Variants in VPS54 observed in about 807,000 individuals in gnomAD.
VPS54 encodes the protein vacuolar protein sorting-associated protein 54.
In VPS54, 45 loss-of-function variants were observed where a neutral mutation model predicts 121.5. The ratio of observed to expected loss-of-function variants is 0.37; its 90% CI spans 0.29 to 0.47. The LOEUF (loss-of-function observed/expected upper bound fraction) is 0.47. Among genes scored for constraint, VPS54 ranks in the 20% least tolerant of loss-of-function variants. The pLI is 0.99. For synonymous variants in VPS54, 371 were observed against 385.8 expected, an observed-to-expected ratio of 0.96 and a Z score of 0.45; for missense variants, 1,090 against 1,131.4, an observed-to-expected ratio of 0.96 and a Z score of 0.52.
At chr2:64,010,265 G>C (rs961665815) in intron 1 of VPS54, among the ~76,000 whole-genome samples, 10 of 152,100 alleles carry the variant, frequency 6.6e-5, no homozygotes, top group Non-Finnish European at 1.2e-4. Flanking sequence ...ACATAATTTT[G>C]ATACAATTTT....
At chr2:63,897,014 T>G (rs1052405293) in intron 22 of VPS54, among the ~76,000 whole-genome samples, 1 of 152,214 alleles carries the variant, frequency 6.6e-6, no homozygotes, top group Non-Finnish European at 1.5e-5. Context: ...ATGCTTTCTA[T>G]GTACTATGCT....
At chr2:64,012,605 T>C (rs1185785401) in intron 1 of VPS54, among the ~76,000 whole-genome samples, 1 of 152,038 alleles carries the variant, frequency 6.6e-6, no homozygotes, top group African/African-American at 2.4e-5. Context: ...AACAGCTGTT[T>C]TTGATCTTAC....
At chr2:64,002,989 A>T (rs983713415) in intron 1 of VPS54, among the ~76,000 whole-genome samples, 4 of 152,236 alleles carry the variant, frequency 2.6e-5, no homozygotes, top group African/African-American at 2.4e-5. Flanking sequence ...GAAAACATGG[A>T]TTTATTCATA....
intron 1 of VPS54, among the ~76,000 whole-genome samples, chr2:64,010,284 T>G (rs767782166): frequency 6.5e-4 from 99 of 152,292 alleles, no homozygotes; most frequent in Non-Finnish European, 1.4e-3. Context: ...TTGGACCTAA[T>G]TTTTTTAAAA....
At chr2:63,922,096 G>A (rs1049802613) in intron 12 of VPS54, among the ~76,000 whole-genome samples, 1 of 152,142 alleles carries the variant, frequency 6.6e-6, no homozygotes, top group African/African-American at 2.4e-5. Flanking sequence ...ATGCTTAAGC[G>A]CTAGGCACTA....
chr2:63,920,055 G>C, intron 14 of VPS54, 60 bp from the exon 15 acceptor site: 1 of 1,411,060 alleles, frequency 7.1e-7, no homozygotes, highest in Non-Finnish European at 9.7e-7. Flanking sequence ...ATCTTCCTTG[G>C]TTTAAAAGAA....
chr2:63,952,666 T>C (rs1370542349), intron 7 of VPS54, among the ~76,000 whole-genome samples: 1 of 152,188 alleles, frequency 6.6e-6, no homozygotes, highest in Non-Finnish European at 1.5e-5. Context: ...GTTTGCATCT[T>C]ACAACAGGAA....
At chr2:63,963,815 G>C (rs936480144) in intron 6 of VPS54, among the ~76,000 whole-genome samples, 5 of 152,120 alleles carry the variant, frequency 3.3e-5, no homozygotes, top group African/African-American at 1.2e-4. Context: ...ATAGTAAATG[G>C]AGAATAGATA....
intron 1 of VPS54, among the ~76,000 whole-genome samples, chr2:64,003,428 C>T (rs974457977): frequency 7.9e-5 from 12 of 152,154 alleles, no homozygotes; most frequent in African/African-American, 2.7e-4. Context: ...CACTTAGTCA[C>T]TCTATGTATT....
At chr2:63,960,004 A>C (rs1675682015) in intron 7 of VPS54, among the ~76,000 whole-genome samples, 1 of 152,082 alleles carries the variant, frequency 6.6e-6, no homozygotes, top group South Asian at 2.1e-4. Flanking sequence ...TGGGCAACAG[A>C]GCTAGACTCC....
intron 7 of VPS54, among the ~76,000 whole-genome samples, chr2:63,949,983 T>C (rs1386028595): frequency 6.6e-6 from 1 of 152,164 alleles, no homozygotes; most frequent in Non-Finnish European, 1.5e-5. Context: ...CTATCTCTTT[T>C]TCCTCATTGT....
chr2:63,929,617 A>G (rs565830061), intron 12 of VPS54, among the ~76,000 whole-genome samples: 4 of 152,236 alleles, frequency 2.6e-5, no homozygotes, highest in Admixed American at 2.0e-4. Flanking sequence ...TAGAGAAGCA[A>G]GAGCAAACAC....
intron 5 of VPS54, 23 bp downstream of exon 5, chr2:63,968,934 T>G (rs763910053): frequency 1.3e-6 from 2 of 1,589,372 alleles, no homozygotes; most frequent in Non-Finnish European, 1.7e-6. Context: ...TAAGGCAATT[T>G]TCTCATGTTT....
At chr2:63,992,457 AAAG>A (rs1241980356) in intron 1 of VPS54, among the ~76,000 whole-genome samples, 1 of 152,194 alleles carries the variant, frequency 6.6e-6, no homozygotes, top group Non-Finnish European at 1.5e-5. Context: ...AATTACTATA[AAAG>A]AAGACAGGGC....
At chr2:64,017,053 TGGGCCG>T (rs367955813) in intron 1 of VPS54, among the ~76,000 whole-genome samples, 11,809 of 139,574 alleles carry the variant, frequency 0.085, 835 homozygotes, top group African/African-American at 0.2. Flanking sequence ...AAGAGTGTGA[TGGGCCG>T]GGGCCGGGGC....
chr2:63,922,624 T>C (rs1221329019), intron 12 of VPS54, among the ~76,000 whole-genome samples: 1 of 152,170 alleles, frequency 6.6e-6, no homozygotes, highest in Non-Finnish European at 1.5e-5. Context: ...AAGTGACCTA[T>C]CCAAGGTTAG....
intron 1 of VPS54, among the ~76,000 whole-genome samples, chr2:63,991,918 T>C (rs1677340000): frequency 2.6e-5 from 4 of 152,238 alleles, no homozygotes; most frequent in African/African-American, 9.6e-5. Context: ...GCGGTCGATC[T>C]CTGTAGCACT....
In VPS54 at chr2:63,933,893, C is replaced by G. The variant is rs1176963126; in HGVS notation, c.1519G>C (p.Glu507Gln). 1.2e-6 allele frequency: 2 copies of G among 1,613,674 alleles called. No individual in the cohort carries two copies. The highest frequency in any genetic ancestry group is 1.3e-5 in the African/African-American group (1 of 74,904). Residue 507 changes from glutamate to glutamine, a missense_variant, in exon 12 of 23, where the codon GAG (glutamate) becomes CAG (glutamine). By Grantham distance (29) the Glu-to-Gln change is conservative. Transcript: ENST00000272322. Reference sequence around the variant, plus strand: ...CCTTCATGGATTAAATAAGCCACCTCTGTGTCCAGTGAATTATCTTTTGCA... The same window carrying G: ...CCTTCATGGATTAAATAAGCCACCTGTGTGTCCAGTGAATTATCTTTTGCA... ...NAAKDNSLDT[E>Q]VAYLIHEGMF...
At chr2:63,902,706 A>G (rs1183930579) in intron 20 of VPS54, among the ~76,000 whole-genome samples, 2 of 152,134 alleles carry the variant, frequency 1.3e-5, no homozygotes, top group African/African-American at 2.4e-5. Flanking sequence ...CAGTGGCTCA[A>G]GCCTGTATTC....
Sources: allele counts gnomAD v4.1 joint callset (sites outside exome capture counted in the v4.1 genomes callset), GRCh38; gene constraint gnomAD v4.1.1; transcripts MANE v1.5; gene names NCBI Gene and HGNC (gene_info 2026-07-23, HGNC 2026-07-21).